The following COMMD7 variants were observed in gnomAD, a reference collection of about 807,000 sequenced individuals.
COMMD7 encodes COMM domain-containing protein 7.
COMMD7 carries 28 observed loss-of-function variants against 34.8 expected under a neutral mutation model. The ratio of observed to expected loss-of-function variants is 0.80; its 90% confidence interval spans 0.60 to 1.10. The LOEUF (loss-of-function observed/expected upper bound fraction) is 1.10. Ranked by LOEUF, COMMD7 falls within the 50% of genes least tolerant of loss-of-function variation. The probability of loss-of-function intolerance (pLI) is 0.00; values close to 1 mark genes in which losing one functional copy is unlikely to be tolerated. For missense variants in COMMD7, 211 were observed against 241.6 expected (o/e 0.87, Z 0.84); for synonymous variants, 80 against 86.4 (o/e 0.93, Z 0.41).
In COMMD7 at chr20:32,704,924, C is replaced by T. The variant is rs751137012; in HGVS notation, c.337-20G>A. The T allele has an allele frequency of 6.4e-7, 1 of 1,573,342 alleles. No individual in the cohort carries two copies. Among genetic ancestry groups the T allele is most frequent in the South Asian group, 1.1e-5 (1 of 90,238 alleles). On this transcript the variant is annotated intron_variant, in intron 5 of 8. Transcript: ENST00000278980. ...CTTCCACTGGAACAAAAGCAAAAGA[C>T]AAAGTCAATTACAATAGGAAAATCT...
chr20:32,706,868 A>G, intron 3 of COMMD7, 108 bp from the exon 4 acceptor site: 1 of 812,692 alleles, frequency 1.2e-6, no homozygotes, highest in Non-Finnish European at 2.1e-6. Flanking sequence ...AGGAACACCC[A>G]AAGACTGGCC....
At chr20:32,737,017 C>T (rs934832484) in intron 1 of COMMD7, among the ~76,000 whole-genome samples, 1 of 151,808 alleles carries the variant, frequency 6.6e-6, no homozygotes, top group Non-Finnish European at 1.5e-5. Flanking sequence ...CCCGTCTCTA[C>T]TAAAAATACA....
chr20:32,703,884 G>T, intron 8 of COMMD7, 139 bp downstream of exon 8: 1 of 1,554,774 alleles, frequency 6.4e-7, no homozygotes, highest in Non-Finnish European at 8.7e-7. Context: ...TTTCAGGAGA[G>T]GAAAGGCAGT....
At chr20:32,734,666 G>A (rs541238293) in intron 1 of COMMD7, among the ~76,000 whole-genome samples, 7 of 152,056 alleles carry the variant, frequency 4.6e-5, no homozygotes, top group Admixed American at 2.0e-4. Flanking sequence ...AGCGGCTCAC[G>A]CCTGTAATCC....
At chr20:32,712,269 CAAAAAAAAAAA>C (rs56096713) in intron 3 of COMMD7, among the ~76,000 whole-genome samples, 27 of 71,826 alleles carry the variant, frequency 3.8e-4, no homozygotes, top group East Asian at 9.2e-4. Flanking sequence ...GACTCCGTCT[CAAAAAAAAAAA>C]AAAAAAAAAA....
chr20:32,707,069 C>T (rs141576566), intron 3 of COMMD7, among the ~76,000 whole-genome samples: 1,583 of 148,028 alleles, frequency 0.011, 33 homozygotes, highest in African/African-American at 0.038. Flanking sequence ...ATCAGGAGAT[C>T]GAGACCATCC....
At chr20:32,718,412 AG>A (rs1333666034) in intron 3 of COMMD7, among the ~76,000 whole-genome samples, 79 of 148,990 alleles carry the variant, frequency 5.3e-4, no homozygotes, top group Non-Finnish European at 4.9e-4. Context: ...TAAAAAAAAA[AG>A]GGGGGCCGGA....
At chr20:32,710,740 A>C (rs927026770) in intron 3 of COMMD7, among the ~76,000 whole-genome samples, 2 of 151,752 alleles carry the variant, frequency 1.3e-5, no homozygotes, top group Admixed American at 6.6e-5. Context: ...AAAAAAAAAA[A>C]AAAAAAAATA....
chr20:32,725,030 C>A (rs73255917), intron 3 of COMMD7, among the ~76,000 whole-genome samples: 1,694 of 151,290 alleles, frequency 0.011, 30 homozygotes, highest in African/African-American at 0.039. Flanking sequence ...TCAAAATACT[C>A]ACATTTGTGA....
At chr20:32,709,807 C>A (rs372151115) in intron 3 of COMMD7, among the ~76,000 whole-genome samples, 6 of 152,234 alleles carry the variant, frequency 3.9e-5, no homozygotes, top group East Asian at 1.9e-4. Flanking sequence ...CTCATCCCTT[C>A]GCTTCATTCA....
intron 3 of COMMD7, among the ~76,000 whole-genome samples, chr20:32,714,415 C>T (rs1984651359): frequency 6.6e-6 from 1 of 152,058 alleles, no homozygotes. Context: ...AAAAATAGGG[C>T]CGGGCACGGT....
At chr20:32,726,062 CAAAAA>C (rs34689858) in intron 3 of COMMD7, among the ~76,000 whole-genome samples, 2 of 71,130 alleles carry the variant, frequency 2.8e-5, no homozygotes, top group Non-Finnish European at 2.6e-5. Context: ...AAGCCTGTCT[CAAAAA>C]AAAAAAAAAA....
intron 3 of COMMD7, among the ~76,000 whole-genome samples, chr20:32,707,442 C>T (rs534971626): frequency 6.6e-6 from 1 of 151,732 alleles, no homozygotes; most frequent in South Asian, 2.1e-4. Flanking sequence ...GCCTCAGCCT[C>T]CTGAACAGCT....
chr20:32,710,446 TA>T (rs902092907), intron 3 of COMMD7, among the ~76,000 whole-genome samples: 1 of 151,860 alleles, frequency 6.6e-6, no homozygotes, highest in Non-Finnish European at 1.5e-5. Context: ...TATCCAGGCT[TA>T]AAAAAAATTA....
At chr20:32,718,033 G>A (rs1202048356) in intron 3 of COMMD7, among the ~76,000 whole-genome samples, 3 of 151,312 alleles carry the variant, frequency 2.0e-5, no homozygotes, top group Admixed American at 6.6e-5. Context: ...AGGTTGCAGC[G>A]AGCCGAGATC....
chr20:32,741,151 A>AAC (rs767310458), intron 1 of COMMD7, among the ~76,000 whole-genome samples: 2 of 118,382 alleles, frequency 1.7e-5, no homozygotes, highest in Non-Finnish European at 3.6e-5. Flanking sequence ...TAAAACAAAC[A>AAC]AACAAACAAA....
chr20:32,737,051 G>A (rs969940098), intron 1 of COMMD7, among the ~76,000 whole-genome samples: 3 of 151,316 alleles, frequency 2.0e-5, no homozygotes, highest in African/African-American at 4.9e-5. Flanking sequence ...GCGTAGTGGC[G>A]GGCACCTGTA....
chr20:32,715,329 A>C (rs1369362358), intron 3 of COMMD7, among the ~76,000 whole-genome samples: 1 of 149,564 alleles, frequency 6.7e-6, no homozygotes, highest in Non-Finnish European at 1.5e-5. Flanking sequence ...CCAAAAATAC[A>C]AAAATTAGCC....
At chr20:32,705,376 A>ATATATATATATATATATTTT (rs1335467096) in intron 5 of COMMD7, among the ~76,000 whole-genome samples, 2 of 125,456 alleles carry the variant, frequency 1.6e-5, no homozygotes, top group Admixed American at 8.1e-5. Context: ...ATATATATAT[A>ATATATATATATATATATTTT]TTTTTTTTTT....
Sources: allele counts gnomAD v4.1 joint callset (sites outside exome capture counted in the v4.1 genomes callset), GRCh38; gene constraint gnomAD v4.1.1; transcripts MANE v1.5; gene names NCBI Gene and HGNC (gene_info 2026-07-23, HGNC 2026-07-21).